NUMA1: variants seen among roughly 807,000 people sequenced by gnomAD.
NUMA1 encodes the protein SP-H antigen.
Under a neutral mutation model 237.1 loss-of-function variants are expected in NUMA1, and 62 were observed. The ratio of observed to expected loss-of-function variants is 0.26; its 90% CI spans 0.21 to 0.32. The LOEUF (loss-of-function observed/expected upper bound fraction) is 0.32. NUMA1 is among the 10% of genes least tolerant of loss of function. NUMA1 has a pLI of 1.00. For missense variants in NUMA1, 2,533 were observed against 2,666.5 expected, an observed-to-expected ratio of 0.95 and a Z score of 1.10; for synonymous variants, 1,028 against 1,066.1, an observed-to-expected ratio of 0.96 and a Z score of 0.70.
At position 72,016,390 on chromosome 11, in the gene NUMA1, C is replaced by T; in HGVS notation, c.1242+18G>A. The T allele has an allele frequency of 5.6e-6, 9 of 1,612,980 alleles. No individual in the cohort carries two copies. Among genetic ancestry groups the T allele is most frequent in the Non-Finnish European group, 7.6e-6 (9 of 1,179,606 alleles). ...CCACACCAACCAGCAGCACACAGGTCTTTCTGTGCATTCCTACCTGCAAGA... is the reference window on the plus strand; with the variant it reads ...CCACACCAACCAGCAGCACACAGGTTTTTCTGTGCATTCCTACCTGCAAGA... On this transcript the variant is annotated intron_variant, in intron 14 of 26. Coordinates refer to ENST00000393695, the MANE Select transcript of NUMA1 (RefSeq NM_006185.4).
At chr11:72,044,008 A>ACTAT (rs1941850833) in intron 2 of NUMA1, among the ~76,000 whole-genome samples, 1 of 152,152 alleles carries the variant, frequency 6.6e-6, no homozygotes, top group African/African-American at 2.4e-5. Flanking sequence ...CTGAGTGCAT[A>ACTAT]CTATGTACGC....
Position 72,016,449 on chromosome 11 carries a change from G to A in NUMA1, c.1201C>T (p.Pro401Ser), listed in dbSNP as rs760710866. 5 of 1,613,976 alleles carry A rather than the reference G, an allele frequency of 3.1e-6. No individual in the cohort carries two copies. Among genetic ancestry groups the A allele is most frequent in the Non-Finnish European group, 4.2e-6 (5 of 1,180,048 alleles). The change falls in exon 14 of 27, where the codon CCA (proline) becomes TCA (serine). Residue 401 changes from proline to serine, a missense_variant. Coordinates refer to ENST00000393695, the MANE Select transcript of NUMA1 (RefSeq NM_006185.4). ...EEHLSQLQDN[P>S]PQEKGEVLGD... ...AGCACCTCGCCCTTCTCCTGGGGTG[G>A]GTTATCCTGCAGCTGGGACAAGTGT...
rs773291321 is a variant in NUMA1 at position 72,013,480 on chromosome 11, C to T, written c.4023G>A (p.Gln1341=). Residue 1341 remains glutamine (Q), a synonymous_variant, in exon 15 of 27, where the codon CAG becomes CAA. Transcript: ENST00000393695. This position sits in a 1 kb window ranked among gnomAD's most constrained non-coding sequence, Gnocchi z 6.8. ...GCTCGAGCTGCAGGGTGGAGAGGGC[C>T]TGCTCTTTCTGGAAGAACTTCTCCT... The part of the protein sequence containing the change: ...AWQEKFFQKE[Q]ALSTLQLEHT... 1 of 1,613,470 alleles carries T rather than the reference C, an allele frequency of 6.2e-7. No homozygotes were observed. The highest frequency in any genetic ancestry group is 8.5e-7 in the Non-Finnish European group (1 of 1,180,034).
intron 2 of NUMA1, 161 bp from the exon 3 acceptor site, chr11:72,036,136 G>A: frequency 1.6e-6 from 1 of 620,264 alleles, no homozygotes; most frequent in South Asian, 1.9e-5. Context: ...GAGTACACAT[G>A]ACAATTACTA....
intron 2 of NUMA1, among the ~76,000 whole-genome samples, chr11:72,039,325 C>G (rs1460437660): frequency 6.6e-6 from 1 of 152,246 alleles, no homozygotes; most frequent in East Asian, 1.9e-4. Context: ...AGGCCAAAGG[C>G]CAGAGGGTCT....
intron 5 of NUMA1, 127 bp from the exon 6 acceptor site, chr11:72,023,274 C>G: frequency 1.5e-6 from 1 of 677,642 alleles, no homozygotes; most frequent in East Asian, 2.5e-5. Flanking sequence ...GGCCTCCTTA[C>G]TCCTATGGCC....
chr11:72,053,782 T>C (rs967116877), intron 2 of NUMA1, among the ~76,000 whole-genome samples: 12 of 152,320 alleles, frequency 7.9e-5, no homozygotes, highest in African/African-American at 2.9e-4. Context: ...CATGTGTGGA[T>C]TCAACCAACC....
rs553865225 is a variant in NUMA1 at position 72,046,130 on chromosome 11, G to A, written c.-32-10155C>T. Reference sequence around the variant, plus strand: ...TTTCCCTCCTCTTCCTCCCTCCTGTGGCAGCAGCAGAATTTCCACAGCCCC... The same window carrying A: ...TTTCCCTCCTCTTCCTCCCTCCTGTAGCAGCAGCAGAATTTCCACAGCCCC... On this transcript the variant is annotated intron_variant, in intron 2 of 26. Transcript: ENST00000393695. Among the ~76,000 whole-genome samples the A allele has an allele frequency of 2.2e-4, 33 of 152,334 alleles. No homozygotes were observed. The East Asian group carries it at 6.0e-3, about 28-fold the overall frequency.
At chr11:72,056,110 G>C (rs1942623021) in intron 2 of NUMA1, among the ~76,000 whole-genome samples, 2 of 151,160 alleles carry the variant, frequency 1.3e-5, no homozygotes, top group Admixed American at 1.3e-4. Context: ...GATCATACCA[G>C]TTCACTCCAG....
At position 72,004,307 on chromosome 11, in the gene NUMA1, A is replaced by C. The variant is rs761333172; in HGVS notation, c.6041T>G (p.Met2014Arg). ...CCCTTCATGTCGGTCTCGGGGAGTC[A>C]TGGGGCGTGGGAAACAGCTGGTGGC... ...KKATSCFPRP[M>R]TPRDRHEGRK... The change falls in exon 25 of 27, where the codon ATG (methionine) becomes AGG (arginine). Residue 2014 changes from methionine to arginine, a missense_variant. Around this residue, in one of 3 missense-constraint regions of NUMA1, gnomAD observed 795 missense variants for 750.8 expected, o/e 1.06. Coordinates refer to ENST00000393695, the MANE Select transcript of NUMA1 (RefSeq NM_006185.4). The C allele has an allele frequency of 1.2e-6, 2 of 1,613,110 alleles. No individual in the cohort carries two copies. The highest frequency in any genetic ancestry group is 1.7e-6 in the Non-Finnish European group (2 of 1,179,796).
At chr11:72,005,845 C>T (rs1955648541) in intron 22 of NUMA1, 190 bp downstream of exon 22, 2 of 599,396 alleles carry the variant, frequency 3.3e-6, no homozygotes, top group East Asian at 2.8e-5. Flanking sequence ...TAAGAGTGCC[C>T]CCAACACAGC....
intron 13 of NUMA1, 159 bp from the exon 14 acceptor site, chr11:72,016,689 G>T: frequency 1.2e-6 from 1 of 825,900 alleles, no homozygotes; most frequent in South Asian, 1.7e-5. Context: ...GGAACTGGGA[G>T]CATGAGGGAC....
intron 16 of NUMA1, 102 bp downstream of exon 16, chr11:72,012,299 G>A: frequency 2.6e-6 from 3 of 1,136,514 alleles, no homozygotes; most frequent in Admixed American, 3.5e-5. Context: ...TTCACAAACA[G>A]TTCACAACAG....
At chr11:72,070,642 T>C (rs1037454809) in intron 1 of NUMA1, among the ~76,000 whole-genome samples, 3 of 152,264 alleles carry the variant, frequency 2.0e-5, no homozygotes, top group South Asian at 2.1e-4. Flanking sequence ...ACTCCGTCTC[T>C]ACAAAAATAC....
At chr11:72,019,924 A>G (rs1208177358) in intron 8 of NUMA1, among the ~76,000 whole-genome samples, 1 of 152,064 alleles carries the variant, frequency 6.6e-6, no homozygotes, top group African/African-American at 2.4e-5. Context: ...TTTTTCCTCG[A>G]GTCCACACTG....
At chr11:72,063,737 T>C (rs1943068581) in intron 2 of NUMA1, among the ~76,000 whole-genome samples, 2 of 151,334 alleles carry the variant, frequency 1.3e-5, no homozygotes, top group Non-Finnish European at 2.9e-5. Flanking sequence ...GGCAACACAG[T>C]GAGACCATGT....
chr11:72,005,926 A>T, intron 22 of NUMA1, 109 bp downstream of exon 22: 1 of 907,266 alleles, frequency 1.1e-6, no homozygotes, highest in Non-Finnish European at 1.7e-6. Context: ...GCTGGATGGT[A>T]GCAAGGAGGC....
At chr11:72,032,458 A>G (rs1472792537) in intron 3 of NUMA1, among the ~76,000 whole-genome samples, 1 of 152,234 alleles carries the variant, frequency 6.6e-6, no homozygotes, top group Admixed American at 6.5e-5. Flanking sequence ...TTCAAGGACT[A>G]TGGATGCTTG....
chr11:72,055,965 TACACAC>T (rs58350314), intron 2 of NUMA1, among the ~76,000 whole-genome samples: 9,625 of 148,130 alleles, frequency 0.065, 411 homozygotes, highest in African/African-American at 0.13. Context: ...AAAATACACA[TACACAC>T]ACACACACAC....
Sources: gnomAD v4.1 joint callset for allele counts (sites outside exome capture counted in the v4.1 genomes callset) on GRCh38, gnomAD v4.1.1 for gene constraint, gnomAD v4.1.1 regional missense constraint, Gnocchi (gnomAD v3.1) non-coding constraint, MANE v1.5 for transcripts, NCBI Gene and HGNC (gene_info 2026-07-23, HGNC 2026-07-21) for gene names.